The following EML1 variants were observed in gnomAD, a reference collection of about 807,000 sequenced individuals.
EML1 encodes EMAP like 1, also known as echinoderm microtubule-associated protein-like 1.
EML1 carries 27 observed loss-of-function variants against 110.4 expected under a neutral mutation model. The observed-to-expected ratio is 0.24, with a 90% CI of 0.18 to 0.34. The LOEUF is 0.34. EML1 is among the 10% of genes least tolerant of loss of function. EML1 has a pLI of 1.00. For missense variants in EML1, 741 were observed against 1,030.9 expected, an observed-to-expected ratio of 0.72 and a Z score of 3.85; for synonymous variants, 344 against 385.8, an observed-to-expected ratio of 0.89 and a Z score of 1.27.
At chr14:99,796,677 GA>G (rs34348147) in intron 1 of EML1, among the ~76,000 whole-genome samples, 381 of 140,532 alleles carry the variant, frequency 2.7e-3, no homozygotes, top group South Asian at 6.5e-3. Flanking sequence ...TTAATGCTGG[GA>G]AAAAAAAAAA....
At chr14:99,851,553 C>T (rs1043649462) in intron 2 of EML1, among the ~76,000 whole-genome samples, 4 of 152,046 alleles carry the variant, frequency 2.6e-5, no homozygotes, top group African/African-American at 7.2e-5. Flanking sequence ...GTGATCCGCC[C>T]GCCTCGGCCT....
intron 1 of EML1, among the ~76,000 whole-genome samples, chr14:99,818,950 GT>G (rs975409572): frequency 9.9e-5 from 15 of 152,076 alleles, no homozygotes; most frequent in African/African-American, 3.6e-4. Context: ...TAATTTAATT[GT>G]TGATTTTATT....
In EML1 at chr14:99,940,790, C is replaced by CA. The variant is rs2060575675; in HGVS notation, c.*679dup. The CA allele has an allele frequency of 6.6e-6, 1 of 152,246 alleles. No individual in the cohort carries two copies. The highest frequency in any genetic ancestry group is 1.5e-5 in the Non-Finnish European group (1 of 68,056). The allele number at this position is 152,246 out of a possible 1,614,324, so 9.4% of individuals were successfully genotyped here. A position where few individuals can be genotyped will look rare whatever the true frequency, so the allele number is the denominator to read the frequency against. ...TTTCAGTGACACCGTCCTGCCTAAC[C>CA]AGATGCGGTCAGCCTCTTCACACCC... On this transcript the variant is annotated 3_prime_UTR_variant, in exon 22 of 22. Coordinates refer to ENST00000262233, the MANE Select transcript of EML1 (RefSeq NM_004434.3).
At position 99,939,381 on chromosome 14, in the gene EML1, C is replaced by A. The variant is rs1595515624; in HGVS notation, c.2322+54C>A. The A allele has an allele frequency of 6.2e-7, 1 of 1,601,004 alleles. No homozygotes were observed. The highest frequency in any genetic ancestry group is 1.7e-5 in the Admixed American group (1 of 58,592). ...ATCCCCCATGGGGCATGCACGTACA[C>A]CCGACCTGTTTGGAGACTAAGTGGA... On this transcript the variant is annotated intron_variant, in intron 21 of 21. Coordinates refer to ENST00000262233, the MANE Select transcript of EML1 (RefSeq NM_004434.3). The surrounding 1 kb of genome is among the most constrained non-coding windows in gnomAD (Gnocchi z 4.2).
chr14:99,751,656 AGACCG>A (rs1566848795), intron 1 of EML1, among the ~76,000 whole-genome samples: 1 of 152,140 alleles, frequency 6.6e-6, no homozygotes, highest in Non-Finnish European at 1.5e-5. Context: ...GGGATGTGAA[AGACCG>A]GGCCATGGAG....
chr14:99,939,652 G>A lies in EML1; in HGVS notation c.2322+325G>A, dbSNP rs1051171981. Among the ~76,000 whole-genome samples, 8 of 152,228 alleles carry A rather than the reference G, an allele frequency of 5.3e-5. No homozygotes were observed. The East Asian group carries it at 9.7e-4, about 18-fold the overall frequency. On this transcript the variant is annotated intron_variant, in intron 21 of 21. Transcript: ENST00000262233. This position sits in a 1 kb window ranked among gnomAD's most constrained non-coding sequence, Gnocchi z 4.2. ...CCTGGGACGCCCTTCTTCATCCTCCGTGATCCTGACCCTGGAGACCCCTCA... is the reference window on the plus strand; with the variant it reads ...CCTGGGACGCCCTTCTTCATCCTCCATGATCCTGACCCTGGAGACCCCTCA...
chr14:99,851,770 C>T (rs927110769), intron 2 of EML1, among the ~76,000 whole-genome samples: 3 of 152,170 alleles, frequency 2.0e-5, no homozygotes, highest in African/African-American at 7.2e-5. Context: ...AGCATAGCAA[C>T]ACTCGATCAT....
intron 8 of EML1, 52 bp from the exon 9 acceptor site, chr14:99,900,877 C>T: frequency 6.8e-7 from 1 of 1,471,594 alleles, no homozygotes; most frequent in South Asian, 1.1e-5. Context: ...AAGGTAAAGA[C>T]ACATGTGTAT....
chr14:99,752,244 A>G (rs372223857), intron 1 of EML1, among the ~76,000 whole-genome samples: 2 of 151,952 alleles, frequency 1.3e-5, no homozygotes, highest in East Asian at 1.9e-4. Flanking sequence ...CCAGGAGGAC[A>G]CTCGAAATTC....
chr14:99,808,216 C>A lies in EML1; in HGVS notation c.67+14673C>A, dbSNP rs117530389. ...CTAGTGAGTTCCTTGAGGGCAGGGG[C>A]GCTGTGTTGTCTTTTTCTTTCGTTT... On this transcript the variant is annotated intron_variant, in intron 1 of 21. Coordinates refer to ENST00000262233, the MANE Select transcript of EML1 (RefSeq NM_004434.3). 1.3e-4 allele frequency among the ~76,000 whole-genome samples: 20 copies of A among 152,304 alleles called. No individual in the cohort carries two copies. The East Asian group carries it at 3.1e-3, about 23-fold the overall frequency.
intron 1 of EML1, among the ~76,000 whole-genome samples, chr14:99,775,703 A>G (rs1410301386): frequency 6.6e-6 from 1 of 152,178 alleles, no homozygotes; most frequent in Non-Finnish European, 1.5e-5. Context: ...GCCATGTGGA[A>G]GCTACGTTTT....
chr14:99,933,328 A>G (rs1283606727), intron 17 of EML1, among the ~76,000 whole-genome samples: 1 of 152,090 alleles, frequency 6.6e-6, no homozygotes, highest in South Asian at 2.1e-4. Context: ...GGTGTGTGCC[A>G]CTGCCTCCAG....
At chr14:99,911,892 T>TTTCC (rs1184854927) in intron 13 of EML1, among the ~76,000 whole-genome samples, 1 of 149,398 alleles carries the variant, frequency 6.7e-6, no homozygotes, top group Non-Finnish European at 1.5e-5. Context: ...CTTTTTCTTT[T>TTTCC]TTTCTTTCTT....
chr14:99,854,164 G>A lies in EML1; in HGVS notation c.250+3129G>A, dbSNP rs949689372. On this transcript the variant is annotated intron_variant, in intron 2 of 21. Transcript: ENST00000262233. ...CTCAAAGCCAGTGCGGGAAGAGCGC[G>A]TGTCTTTCTGCTGCCGTAGCCGCTA... Among the ~76,000 whole-genome samples the A allele has an allele frequency of 2.4e-4, 36 of 152,170 alleles. 1 individual carries two copies. The highest frequency in any genetic ancestry group is 1.3e-4 in the Admixed American group (2 of 15,290).
rs1238235414 is a variant in EML1 at position 99,737,732 on chromosome 14, G to C, written c.-101G>C. 4 of 1,207,588 alleles carry C rather than the reference G, an allele frequency of 3.3e-6. No individual in the cohort carries two copies. The African/African-American group carries it at 6.3e-5, about 19-fold the overall frequency. The allele number at this position is 1,207,588 out of a possible 1,614,324, so 74.8% of individuals were successfully genotyped here. A position where few individuals can be genotyped will look rare whatever the true frequency, so the allele number is the denominator to read the frequency against. The stretch of plus-strand genomic sequence containing the variant: ...CCGGGGCGGGACGCTGCCTGGGGCT[G>C]GACGCGGAGGAGCCCCAAGCCCTGC... On this transcript the variant is annotated 5_prime_UTR_variant, in exon 1 of 11. Coordinates refer to the EML1 transcript ENST00000554479.
intron 17 of EML1, among the ~76,000 whole-genome samples, chr14:99,931,134 G>C (rs1004912885): frequency 7.2e-5 from 11 of 152,146 alleles, no homozygotes; most frequent in Admixed American, 7.2e-4. Flanking sequence ...TGATCCCCAT[G>C]CAGATGCAGC....
At chr14:99,774,666 G>T (rs1011233829) in intron 1 of EML1, among the ~76,000 whole-genome samples, 3 of 152,196 alleles carry the variant, frequency 2.0e-5, no homozygotes, top group African/African-American at 7.2e-5. Flanking sequence ...GCTGAGTGAC[G>T]TTTGCACCCT....
At chr14:99,894,499 G>A in intron 5 of EML1, 130 bp from the exon 6 acceptor site, 1 of 1,114,722 alleles carries the variant, frequency 9.0e-7, no homozygotes, top group South Asian at 3.2e-5. Flanking sequence ...TTTTTCCCTA[G>A]GATATCAATT....
chr14:99,897,087 A>C lies in EML1; in HGVS notation c.678-58A>C. The C allele has an allele frequency of 1.4e-6, 2 of 1,431,748 alleles. 1 individual carries two copies. The highest frequency in any genetic ancestry group is 1.8e-6 in the Non-Finnish European group (2 of 1,081,694). The allele number at this position is 1,431,748 out of a possible 1,614,324, so 88.7% of individuals were successfully genotyped here. A position where few individuals can be genotyped will look rare whatever the true frequency, so the allele number is the denominator to read the frequency against. On this transcript the variant is annotated intron_variant, in intron 6 of 21. Coordinates refer to ENST00000262233, the MANE Select transcript of EML1 (RefSeq NM_004434.3). Reference sequence around the variant, plus strand: ...TTTATTGCCTGTGCCTGTTGAATAAAGCTGATGTTTTGTCAGCTCTTAAAG... The same window carrying C: ...TTTATTGCCTGTGCCTGTTGAATAACGCTGATGTTTTGTCAGCTCTTAAAG...
Sources: gnomAD v4.1 joint callset for allele counts (sites outside exome capture counted in the v4.1 genomes callset) on GRCh38, gnomAD v4.1.1 for gene constraint, Gnocchi (gnomAD v3.1) non-coding constraint, MANE v1.5 for transcripts, NCBI Gene and HGNC (gene_info 2026-07-23, HGNC 2026-07-21) for gene names.